Variants in KLHDC4 observed in about 807,000 individuals in gnomAD.
KLHDC4 encodes the protein kelch domain containing 4, also known as kelch domain-containing protein 4.
KLHDC4 carries 90 observed loss-of-function variants against 62.4 expected under a neutral mutation model. The observed-to-expected ratio is 1.44, with a 90% CI of 1.22 to 1.72. KLHDC4 has a LOEUF of 1.72. Among genes scored for constraint, KLHDC4 ranks in the 40% most tolerant of loss-of-function variants. The pLI, the probability that KLHDC4 is intolerant of heterozygous loss-of-function variation, is 0.00. For synonymous variants in KLHDC4, 386 were observed against 284.4 expected (o/e 1.36, Z -3.59); for missense variants, 1,025 against 699.7 (o/e 1.47, Z -5.25).
At chr16:87,708,986 A>C (rs915280736) in intron 10 of KLHDC4, among the ~76,000 whole-genome samples, 11 of 152,240 alleles carry the variant, frequency 7.2e-5, no homozygotes, top group Non-Finnish European at 1.5e-4. Flanking sequence ...ACAAACAAGC[A>C]TGCTGTGGAC....
intron 5 of KLHDC4, among the ~76,000 whole-genome samples, chr16:87,746,993 G>C (rs964392217): frequency 1.3e-5 from 2 of 152,236 alleles, no homozygotes; most frequent in African/African-American, 2.4e-5. Flanking sequence ...ACACGAGGTA[G>C]GGGCTGCCAT....
rs1382550603 is a variant in KLHDC4, at chr16:87,726,794, T to G, written c.730A>C (p.Ile244Leu). The change falls in exon 7 of 12, where the codon ATC (isoleucine) becomes CTC (leucine). Residue 244 changes from isoleucine to leucine, a missense_variant. Transcript: ENST00000270583. Reference protein sequence around the residue: ...CQMSVTPQGGIVVYGGYSKQR... With the variant: ...CQMSVTPQGGLVVYGGYSKQR... ...TTCGAGTAGCCCCCATAGACGACGA[T>G]GCCGCCCTGGGGAGTGACGGACATC... The G allele has an allele frequency of 6.2e-7, 1 of 1,601,908 alleles. No homozygotes were observed. The highest frequency in any genetic ancestry group is 8.5e-7 in the Non-Finnish European group (1 of 1,175,318).
chr16:87,712,004 C>A (rs1316688904), intron 8 of KLHDC4, among the ~76,000 whole-genome samples: 12 of 146,580 alleles, frequency 8.2e-5, no homozygotes, highest in South Asian at 4.4e-4. Context: ...TGCCAGCCGC[C>A]CTTGGGCCTG....
At chr16:87,758,218 C>G (rs952364731) in intron 2 of KLHDC4, among the ~76,000 whole-genome samples, 2 of 152,214 alleles carry the variant, frequency 1.3e-5, no homozygotes, top group African/African-American at 2.4e-5. Flanking sequence ...CATAATCCAG[C>G]AGTTCGTTCC....
intron 1 of KLHDC4, chr16:87,762,284 C>T (rs577789690): frequency 1.6e-6 from 1 of 622,152 alleles, no homozygotes. Flanking sequence ...ACACCCTTAA[C>T]GCTCCCTCTG....
chr16:87,715,903 T>C (rs1392158730), intron 7 of KLHDC4, among the ~76,000 whole-genome samples: 1 of 152,244 alleles, frequency 6.6e-6, no homozygotes, highest in Non-Finnish European at 1.5e-5. Context: ...TCATGGATAC[T>C]GACACAGACT....
intron 5 of KLHDC4, among the ~76,000 whole-genome samples, chr16:87,748,362 C>A (rs947370807): frequency 8.5e-5 from 13 of 152,174 alleles, no homozygotes; most frequent in Non-Finnish European, 1.8e-4. Context: ...CCCAGAGCTG[C>A]CTCCAATGAT....
At chr16:87,698,747 C>G (rs1221733676) in exon 1 of KLHDC4, 1 of 152,178 alleles carries the variant, frequency 6.6e-6, no homozygotes, top group African/African-American at 2.4e-5. Flanking sequence ...AAGGCTGCTT[C>G]CCGCCTGTCC....
Position 87,709,433 on chromosome 16 carries a change from G to A in KLHDC4, c.1279C>T (p.Pro427Ser), listed in dbSNP as rs748115697. 1.9e-6 allele frequency: 3 copies of A among 1,612,726 alleles called. No individual in the cohort carries two copies. The South Asian group carries it at 3.3e-5, about 18-fold the overall frequency. ...GCGTTGGAGCGTGGACACGGCCCAGGTGCGGGGCTGCCGGCCTCCTCAAGG... is the reference window on the plus strand; with the variant it reads ...GCGTTGGAGCGTGGACACGGCCCAGATGCGGGGCTGCCGGCCTCCTCAAGG... ...DSLEEAGSPAPGPCPRSNAML... is the reference protein window; with the variant it reads ...DSLEEAGSPASGPCPRSNAML... The change falls in exon 10 of 12, where the codon CCT (proline) becomes TCT (serine). Residue 427 changes from proline to serine, a missense_variant. Transcript: ENST00000270583.
chr16:87,708,905 G>T (rs569388314), intron 10 of KLHDC4, among the ~76,000 whole-genome samples: 1 of 152,368 alleles, frequency 6.6e-6, no homozygotes, highest in East Asian at 1.9e-4. Context: ...GGCAGCAGAG[G>T]GGCCCTGGGT....
intron 5 of KLHDC4, among the ~76,000 whole-genome samples, chr16:87,744,392 G>A (rs1457528923): frequency 1.3e-5 from 2 of 150,736 alleles, no homozygotes; most frequent in African/African-American, 4.9e-5. Context: ...TCCAGCCTGG[G>A]CGACGAGAAT....
At chr16:87,705,059 CAG>C (rs1213800631), downstream of KLHDC4, among the ~76,000 whole-genome samples, 1 of 152,216 alleles carries the variant, frequency 6.6e-6, no homozygotes, top group African/African-American at 2.4e-5. Context: ...ACCCTGCAGT[CAG>C]GGGTCTGGGG....
At chr16:87,764,902 G>T (rs932367587) in intron 1 of KLHDC4, among the ~76,000 whole-genome samples, 2 of 151,498 alleles carry the variant, frequency 1.3e-5, no homozygotes, top group Non-Finnish European at 2.9e-5. Flanking sequence ...TTATTTAAGA[G>T]ATGAGGACAT....
intron 4 of KLHDC4, among the ~76,000 whole-genome samples, chr16:87,749,077 G>A (rs1184739774): frequency 1.3e-5 from 2 of 151,200 alleles, no homozygotes; most frequent in Non-Finnish European, 2.9e-5. Flanking sequence ...TGTAGACAAT[G>A]CCATATCCCA....
At chr16:87,761,458 C>T (rs748857746) in intron 2 of KLHDC4, among the ~76,000 whole-genome samples, 2 of 152,236 alleles carry the variant, frequency 1.3e-5, no homozygotes, top group African/African-American at 2.4e-5. Flanking sequence ...GCTCATCCCA[C>T]ACGTGTATGA....
In KLHDC4 at chr16:87,765,731, G is replaced by A. The variant is rs953341501; in HGVS notation, c.99+61C>T. ...GACCCGTAACCCCGGGGGGCGCAGG[G>A]AGTCGGCCGAGGCTGCACGGCCGCG... On this transcript the variant is annotated intron_variant, in intron 1 of 11. Coordinates refer to ENST00000270583, the MANE Select transcript of KLHDC4 (RefSeq NM_017566.4). 1.6e-5 allele frequency: 23 copies of A among 1,469,890 alleles called. No individual in the cohort carries two copies. In the African/African-American group the frequency reaches 2.7e-4, roughly 17 times the overall value. The allele number at this position is 1,469,890 out of a possible 1,614,324, so 91.1% of individuals were successfully genotyped here.
chr16:87,711,419 T>C lies in KLHDC4; in HGVS notation c.860A>G (p.Asn287Ser), dbSNP rs766895908. 6.2e-7 allele frequency: 1 copy of C among 1,611,870 alleles called. No homozygotes were observed. The highest frequency in any genetic ancestry group is 1.1e-5 in the South Asian group (1 of 91,058). Reference protein sequence around the residue: ...REDKWVWTRMNPSGVKPTPRS... With the variant: ...REDKWVWTRMSPSGVKPTPRS... Reference sequence around the variant, plus strand: ...TGGGGTGGGCTTGACCCCCGAAGGGTTCATCCGAGTCCAAACCCACTTGTC... The same window carrying C: ...TGGGGTGGGCTTGACCCCCGAAGGGCTCATCCGAGTCCAAACCCACTTGTC... Residue 287 changes from asparagine (N) to serine (S), a missense_variant, in exon 9 of 12, where the codon AAC becomes AGC. By Grantham distance (46) the Asn-to-Ser change is conservative. Coordinates refer to ENST00000270583, the MANE Select transcript of KLHDC4 (RefSeq NM_017566.4).
intron 4 of KLHDC4, among the ~76,000 whole-genome samples, chr16:87,750,029 G>A (rs541048492): frequency 2.6e-5 from 4 of 152,156 alleles, no homozygotes; most frequent in African/African-American, 7.2e-5. Context: ...CAAAAACAAC[G>A]GCATCCCTGA....
chr16:87,702,215 A>G (rs900982166), exon 1 of KLHDC4: 11 of 456,202 alleles, frequency 2.4e-5, no homozygotes, highest in African/African-American at 2.0e-4. Context: ...TCCCCTGACC[A>G]TGACAGCCAA....
Sources: allele counts gnomAD v4.1 joint callset (sites outside exome capture counted in the v4.1 genomes callset), GRCh38; gene constraint gnomAD v4.1.1; transcripts MANE v1.5; gene names NCBI Gene and HGNC (gene_info 2026-07-23, HGNC 2026-07-21).